The following NR3C1 variants were observed in gnomAD, a reference collection of about 807,000 sequenced individuals.
NR3C1 encodes nuclear receptor subfamily 3 group C member 1, also known as glucocorticoid receptor.
NR3C1 carries 14 observed loss-of-function variants against 74.0 expected under a neutral mutation model. The observed-to-expected ratio is 0.19, with a 90% confidence interval of 0.12 to 0.30. The LOEUF (loss-of-function observed/expected upper bound fraction) is 0.30. Ranked by LOEUF, NR3C1 falls within the 10% of genes least tolerant of loss-of-function variation. The pLI, the probability that NR3C1 is intolerant of heterozygous loss-of-function variation, is 1.00. For missense variants in NR3C1, 695 were observed against 909.8 expected, an observed-to-expected ratio of 0.76 and a Z score of 3.04; for synonymous variants, 308 against 332.5, an observed-to-expected ratio of 0.93 and a Z score of 0.80.
In NR3C1 at chr5:143,389,757, G is replaced by A. The variant is rs1264205658; in HGVS notation, c.1184+9899C>T. On this transcript the variant is annotated intron_variant, in intron 2 of 8. Transcript: ENST00000394464. ...AACACCAGCCCATGATATGTGTTTA[G>A]TGATGAGAAGCATTTGCTACCTAAT... 1.1e-4 allele frequency: 17 copies of A among 155,914 alleles called. No individual in the cohort carries two copies. In the Admixed American group the frequency reaches 1.1e-3, roughly 10 times the overall value. The allele number at this position is 155,914 out of a possible 1,614,324, so 9.7% of individuals were successfully genotyped here.
At chr5:143,356,799 A>T (rs760370323) in intron 2 of NR3C1, among the ~76,000 whole-genome samples, 35 of 152,174 alleles carry the variant, frequency 2.3e-4, no homozygotes, top group Non-Finnish European at 5.0e-4. Context: ...AATGATCATC[A>T]GATGTACGTT....
At chr5:143,282,192 A>T in intron 8 of NR3C1, 151 bp from the exon 9 acceptor site, 1 of 766,582 alleles carries the variant, frequency 1.3e-6, no homozygotes. Context: ...ACTTCCGTAC[A>T]AAACACATTT....
At chr5:143,396,126 C>T (rs1278422524) in intron 2 of NR3C1, among the ~76,000 whole-genome samples, 1 of 151,678 alleles carries the variant, frequency 6.6e-6, no homozygotes, top group Non-Finnish European at 1.5e-5. Flanking sequence ...ATAGAAACAT[C>T]GTAAGTAATT....
rs1275629738 is a variant in NR3C1 at position 143,280,986 on chromosome 5, A to G, written c.*903T>C. 6.6e-6 allele frequency: 1 copy of G among 152,096 alleles called. No individual in the cohort carries two copies. Among genetic ancestry groups the G allele is most frequent in the East Asian group, 1.9e-4 (1 of 5,194 alleles). The allele number at this position is 152,096 out of a possible 1,614,324, so 9.4% of individuals were successfully genotyped here. A position where few individuals can be genotyped will look rare whatever the true frequency, so the allele number is the denominator to read the frequency against. ...AGGGCCTCTTGGTAGTTATTTTTTA[A>G]ATTAGTCTTTTGCAACCATCATCCA... is the stretch of plus-strand genomic sequence containing the variant. On this transcript the variant is annotated 3_prime_UTR_variant, in exon 9 of 9. Transcript: ENST00000394464.
At chr5:143,314,493 A>T (rs1018663839) in intron 2 of NR3C1, among the ~76,000 whole-genome samples, 1 of 151,348 alleles carries the variant, frequency 6.6e-6, no homozygotes, top group African/African-American at 2.4e-5. Flanking sequence ...ACATACAGTA[A>T]CATTTACTGT....
chr5:143,427,444 C>G (rs1394437721), intron 1 of NR3C1, among the ~76,000 whole-genome samples: 2 of 151,866 alleles, frequency 1.3e-5, no homozygotes, highest in Non-Finnish European at 2.9e-5. Context: ...GATAGAATGA[C>G]AAATAAGGCA....
At chr5:143,396,359 T>C (rs906554105) in intron 2 of NR3C1, among the ~76,000 whole-genome samples, 3 of 151,770 alleles carry the variant, frequency 2.0e-5, no homozygotes, top group African/African-American at 7.2e-5. Context: ...TCACTTTACA[T>C]AAATGAGTAC....
chr5:143,312,155 T>C (rs1821119537), intron 3 of NR3C1, among the ~76,000 whole-genome samples: 1 of 152,114 alleles, frequency 6.6e-6, no homozygotes, highest in South Asian at 2.1e-4. Flanking sequence ...ATAATTCTGG[T>C]TTTCTATTTA....
At chr5:143,401,833 A>T (rs1475856974) in intron 1 of NR3C1, among the ~76,000 whole-genome samples, 1 of 152,264 alleles carries the variant, frequency 6.6e-6, no homozygotes, top group Non-Finnish European at 1.5e-5. Flanking sequence ...AACTGTATCC[A>T]GTAAAATGTT....
rs527551440 is a variant in NR3C1, at chr5:143,277,949, T to C, written c.*3940A>G. On this transcript the variant is annotated 3_prime_UTR_variant, in exon 9 of 9. Coordinates refer to ENST00000394464, the MANE Select transcript of NR3C1 (RefSeq NM_000176.3). ...AGTCACATAATGAAAAAGCAGATTT[T>C]TTTATTATGATGTTTCTCCATATTT... The C allele has an allele frequency of 6.6e-6, 1 of 152,324 alleles. No homozygotes were observed. The highest frequency in any genetic ancestry group is 2.4e-5 in the African/African-American group (1 of 41,580). 9.4% of individuals were successfully genotyped at this position (152,324 alleles called of 1,614,324 possible).
At chr5:143,287,203 A>G (rs1814694888) in intron 7 of NR3C1, among the ~76,000 whole-genome samples, 1 of 152,110 alleles carries the variant, frequency 6.6e-6, no homozygotes, top group African/African-American at 2.4e-5. Flanking sequence ...CATAGGAAAC[A>G]AAAAGAGAAA....
chr5:143,295,883 T>C lies in NR3C1; in HGVS notation c.1893-293A>G, dbSNP rs576838032. On this transcript the variant is annotated intron_variant, in intron 6 of 8. Coordinates refer to ENST00000394464, the MANE Select transcript of NR3C1 (RefSeq NM_000176.3). Reference sequence around the variant, plus strand: ...TTTAATTAAAGTGTTAGAATTCTTATAGAACTTATTACTAGTTGCTCATTT... The same window carrying C: ...TTTAATTAAAGTGTTAGAATTCTTACAGAACTTATTACTAGTTGCTCATTT... 3.3e-5 allele frequency among the ~76,000 whole-genome samples: 5 copies of C among 152,352 alleles called. No homozygotes were observed. In the East Asian group the frequency reaches 7.7e-4, roughly 23 times the overall value.
Position 143,279,464 on chromosome 5 carries a change from T to TGTCA in NR3C1, c.*2421_*2424dup. The TGTCA allele has an allele frequency of 2.0e-6, 3 of 1,466,158 alleles. No homozygotes were observed. In the South Asian group the frequency reaches 4.4e-5, roughly 21 times the overall value. The allele number at this position is 1,466,158 out of a possible 1,614,324, so 90.8% of individuals were successfully genotyped here. A position where few individuals can be genotyped will look rare whatever the true frequency, so the allele number is the denominator to read the frequency against. On this transcript the variant is annotated 3_prime_UTR_variant, in exon 9 of 9. Coordinates refer to ENST00000394464, the MANE Select transcript of NR3C1 (RefSeq NM_000176.3). ...AGAAGCTCTTTTTGAAACTTAACAC[T>TGTCA]GTCATTGATAAGAATATTCAAGCAG...
chr5:143,325,360 G>T (rs1007692485), intron 2 of NR3C1, among the ~76,000 whole-genome samples: 5 of 152,156 alleles, frequency 3.3e-5, no homozygotes, highest in Admixed American at 6.5e-5. Flanking sequence ...TAACTATCAC[G>T]AGAATAGCAA....
intron 1 of NR3C1, among the ~76,000 whole-genome samples, chr5:143,433,456 A>ATATATATATAATTTATTTAAAATAAAT: frequency 2.1e-5 from 1 of 46,732 alleles, no homozygotes; most frequent in East Asian, 5.7e-4. Flanking sequence ...TTTAAATTAT[A>ATATATATATAATTTATTTAAAATAAAT]TATATATATA....
chr5:143,309,417 G>A (rs1219533631), intron 4 of NR3C1, among the ~76,000 whole-genome samples: 1 of 152,126 alleles, frequency 6.6e-6, no homozygotes, highest in African/African-American at 2.4e-5. Context: ...TCTTTTGATT[G>A]AGCAGTTTTT....
At chr5:143,351,930 A>C (rs1830295074) in intron 2 of NR3C1, among the ~76,000 whole-genome samples, 1 of 152,212 alleles carries the variant, frequency 6.6e-6, no homozygotes, top group African/African-American at 2.4e-5. Context: ...TTAGGCTTTC[A>C]GACCAATTTT....
rs150771927 is a variant in NR3C1, at chr5:143,338,234, CA to C, written c.1185-24067del. Among the ~76,000 whole-genome samples the C allele has an allele frequency of 1.0e-3, 155 of 152,230 alleles. 3 individuals are homozygous for C. The East Asian group carries it at 0.022, about 22-fold the overall frequency. On this transcript the variant is annotated intron_variant, in intron 2 of 8. Transcript: ENST00000394464. Reference sequence around the variant, plus strand: ...CAGTTATAGAAAAGTACAGCAAATACAACTGTGTACAGTACATAATACTCGA... The same window carrying C: ...CAGTTATAGAAAAGTACAGCAAATACACTGTGTACAGTACATAATACTCGA...
At chr5:143,429,182 AG>A (rs1373704851) in intron 1 of NR3C1, among the ~76,000 whole-genome samples, 2 of 152,228 alleles carry the variant, frequency 1.3e-5, no homozygotes, top group African/African-American at 4.8e-5. Context: ...ACTTATGGTA[AG>A]TGCTTCTGTT....
Sources: allele counts gnomAD v4.1 joint callset (sites outside exome capture counted in the v4.1 genomes callset), GRCh38; gene constraint gnomAD v4.1.1; transcripts MANE v1.5; gene names NCBI Gene and HGNC (gene_info 2026-07-23, HGNC 2026-07-21).